SSH2: variants seen among roughly 807,000 people sequenced by gnomAD.
The protein encoded by SSH2 is protein phosphatase Slingshot homolog 2.
In SSH2, 37 loss-of-function variants were observed where a neutral mutation model predicts 135.2. The observed-to-expected ratio is 0.27, with a 90% CI of 0.21 to 0.36. The LOEUF (loss-of-function observed/expected upper bound fraction) is 0.36, where lower values mean the gene tolerates loss of function less well. Ranked by LOEUF, SSH2 falls within the 10% of genes least tolerant of loss-of-function variation. The pLI, the probability that SSH2 is intolerant of heterozygous loss-of-function variation, is 1.00. For missense variants in SSH2, 1,408 were observed against 1,765.3 expected (o/e 0.80, Z 3.63); for synonymous variants, 628 against 646.2 (o/e 0.97, Z 0.43).
rs1408817140 is a variant in SSH2, at chr17:29,636,680, T to C, written c.1550A>G (p.Gln517Arg). ...CTCCATGGTCTTCACCTCAGCAATCTGGTCTGCTGAGGTGGTGATATCCTT... is the reference window on the plus strand; with the variant it reads ...CTCCATGGTCTTCACCTCAGCAATCCGGTCTGCTGAGGTGGTGATATCCTT... Reference protein sequence around the residue: ...NKKDITTSADQIAEVKTMESH... With the variant: ...NKKDITTSADRIAEVKTMESH... The change falls in exon 15 of 16, where the codon CAG becomes CGG. Residue 517 changes from glutamine (Q) to arginine (R), a missense_variant. Transcript: ENST00000540801. 3 of 1,613,962 alleles carry C rather than the reference T, an allele frequency of 1.9e-6. No homozygotes were observed. Among genetic ancestry groups the C allele is most frequent in the Non-Finnish European group, 2.5e-6 (3 of 1,179,948 alleles).
At chr17:29,671,801 G>A (rs990096098) in intron 9 of SSH2, 134 bp downstream of exon 9, 74 of 739,848 alleles carry the variant, frequency 1.0e-4, no homozygotes, top group African/African-American at 9.3e-4. Flanking sequence ...TGGCAGACAC[G>A]TGCTATTCAC....
intron 1 of SSH2, among the ~76,000 whole-genome samples, chr17:29,912,640 C>A (rs929267664): frequency 1.3e-5 from 2 of 152,046 alleles, no homozygotes; most frequent in African/African-American, 4.8e-5. Flanking sequence ...CTAAGGTGGG[C>A]AGATTGCTTG....
At chr17:29,652,409 T>C (rs1235919018) in intron 12 of SSH2, among the ~76,000 whole-genome samples, 1 of 152,038 alleles carries the variant, frequency 6.6e-6, no homozygotes, top group Non-Finnish European at 1.5e-5. Flanking sequence ...ATGGAGGTGA[T>C]TCCTGAAGGG....
intron 3 of SSH2, chr17:29,780,509 C>T (rs1005844304): frequency 2.7e-5 from 4 of 150,100 alleles, no homozygotes; most frequent in African/African-American, 7.4e-5. Context: ...ACTGCAACTT[C>T]CGCCTCCCGG....
At position 29,930,151 on chromosome 17, in the gene SSH2, GCACC is replaced by G. The variant is rs1040306613; in HGVS notation, c.-155_-152del. ...GGCCGCGGGAACGGCCGCAGACTCC[GCACC>G]CACCACCAGACTGTCGCCGACTGAC... On this transcript the variant is annotated 5_prime_UTR_variant, in exon 1 of 16. Transcript: ENST00000540801. 8.5e-6 allele frequency: 6 copies of G among 705,592 alleles called. No individual in the cohort carries two copies. The African/African-American group carries it at 1.1e-4, about 13-fold the overall frequency. The allele number at this position is 705,592 out of a possible 1,614,324, so 43.7% of individuals were successfully genotyped here. A position where few individuals can be genotyped will look rare whatever the true frequency, so the allele number is the denominator to read the frequency against.
At chr17:29,806,234 T>C (rs932749642) in intron 2 of SSH2, among the ~76,000 whole-genome samples, 1 of 152,198 alleles carries the variant, frequency 6.6e-6, no homozygotes. Flanking sequence ...ATTGTCTCAT[T>C]TGAACCACTC....
At chr17:29,894,061 G>A (rs1030608692) in intron 1 of SSH2, among the ~76,000 whole-genome samples, 3 of 152,008 alleles carry the variant, frequency 2.0e-5, no homozygotes, top group Non-Finnish European at 2.9e-5. Flanking sequence ...TTCTCCATAA[G>A]TGATCTCATT....
At chr17:29,857,350 A>G (rs1265005979) in intron 1 of SSH2, among the ~76,000 whole-genome samples, 2 of 152,168 alleles carry the variant, frequency 1.3e-5, no homozygotes, top group Non-Finnish European at 2.9e-5. Context: ...ATCAGATCTC[A>G]GGAGACTTAT....
chr17:29,730,627 T>C lies in SSH2; in HGVS notation c.189-27565A>G, dbSNP rs183193642. On this transcript the variant is annotated intron_variant, in intron 3 of 15. Transcript: ENST00000540801. ...ATTTTTTTGGTAATTTTTGTAGAGA[T>C]AGTGTTTCACCATGTTGCCCAGGCT... Among the ~76,000 whole-genome samples the C allele has an allele frequency of 3.7e-3, 566 of 151,956 alleles. 2 individuals are homozygous for C. The highest frequency in any genetic ancestry group is 0.013 in the African/African-American group (542 of 41,442).
chr17:29,716,532 G>A, intron 3 of SSH2: 1 of 720,262 alleles, frequency 1.4e-6, no homozygotes, highest in Non-Finnish European at 2.5e-6. Flanking sequence ...CACTTGTGGG[G>A]CATTCCTTTT....
intron 11 of SSH2, among the ~76,000 whole-genome samples, chr17:29,664,420 T>C (rs945979950): frequency 3.3e-5 from 5 of 151,362 alleles, no homozygotes; most frequent in Non-Finnish European, 7.4e-5. Flanking sequence ...TAATAAAAGA[T>C]GATGGTGATT....
At chr17:29,702,908 T>C in intron 4 of SSH2, 51 bp downstream of exon 4, 1 of 1,355,980 alleles carries the variant, frequency 7.4e-7, no homozygotes, top group African/African-American at 1.4e-5. Flanking sequence ...TTTTAGAATG[T>C]AACAAAAGAT....
At chr17:29,656,478 T>A (rs2036785956) in intron 11 of SSH2, among the ~76,000 whole-genome samples, 1 of 152,148 alleles carries the variant, frequency 6.6e-6, no homozygotes, top group African/African-American at 2.4e-5. Context: ...GCAGGGCCGC[T>A]CACACTCTTT....
chr17:29,804,255 T>C (rs1337717909), intron 2 of SSH2, among the ~76,000 whole-genome samples: 9 of 152,218 alleles, frequency 5.9e-5, no homozygotes, highest in Non-Finnish European at 1.3e-4. Context: ...CTTTCTTCCC[T>C]ATAATTTTCA....
chr17:29,831,760 G>A (rs2042848623), intron 2 of SSH2, among the ~76,000 whole-genome samples: 1 of 150,114 alleles, frequency 6.7e-6, no homozygotes, highest in Non-Finnish European at 1.5e-5. Flanking sequence ...TTGTATTTGT[G>A]GTAGAGACGG....
At chr17:29,869,030 C>T (rs1223170017) in intron 1 of SSH2, among the ~76,000 whole-genome samples, 1 of 152,016 alleles carries the variant, frequency 6.6e-6, no homozygotes, top group African/African-American at 2.4e-5. Context: ...ATAGCAATGC[C>T]CCAGAGCCAG....
intron 2 of SSH2, among the ~76,000 whole-genome samples, chr17:29,823,695 A>G (rs112522150): frequency 0.061 from 9,303 of 152,102 alleles, 524 homozygotes; most frequent in African/African-American, 0.15. Flanking sequence ...CCTGGCCAAC[A>G]TGGCGAAACC....
Position 29,879,050 on chromosome 17 carries a change from T to C in SSH2, c.64-30121A>G, listed in dbSNP as rs138541405. Among the ~76,000 whole-genome samples, 576 of 152,328 alleles carry C rather than the reference T, an allele frequency of 3.8e-3. 4 individuals carry two copies. The highest frequency in any genetic ancestry group is 0.013 in the African/African-American group (551 of 41,572). On this transcript the variant is annotated intron_variant, in intron 1 of 15. Transcript: ENST00000540801. Reference sequence around the variant, plus strand: ...TTACATGATTTCCCCTCACATCTCATGTCTGTACATTTTACTTTTTAAAAT... The same window carrying C: ...TTACATGATTTCCCCTCACATCTCACGTCTGTACATTTTACTTTTTAAAAT...
At chr17:29,654,961 A>G (rs1847588832) in intron 12 of SSH2, among the ~76,000 whole-genome samples, 1 of 152,196 alleles carries the variant, frequency 6.6e-6, no homozygotes, top group African/African-American at 2.4e-5. Context: ...CTACATATGC[A>G]ATTCTATGTA....
Sources: gnomAD v4.1 joint callset for allele counts (sites outside exome capture counted in the v4.1 genomes callset) on GRCh38, gnomAD v4.1.1 for gene constraint, MANE v1.5 for transcripts, NCBI Gene and HGNC (gene_info 2026-07-23, HGNC 2026-07-21) for gene names.